The following NLRP6 variants were observed in gnomAD, a reference collection of about 807,000 sequenced individuals.
NLRP6 encodes NACHT, LRR and PYD domains-containing protein 6.
NLRP6 carries 55 observed loss-of-function variants against 70.9 expected under a neutral mutation model. That is an observed-to-expected ratio of 0.78 (90% CI 0.62 to 0.97). The LOEUF (loss-of-function observed/expected upper bound fraction) is 0.97, where lower values mean the gene tolerates loss of function less well. Ranked by LOEUF, NLRP6 falls within the 50% of genes least tolerant of loss-of-function variation. The pLI is 0.00. For missense variants in NLRP6, 1,241 were observed against 1,238.3 expected (o/e 1.00, Z -0.03); for synonymous variants, 652 against 581.9 (o/e 1.12, Z -1.73).
chr11:279,067 GA>G (rs1027798201), intron 1 of NLRP6: 11 of 377,322 alleles, frequency 2.9e-5, no homozygotes, highest in Non-Finnish European at 4.7e-5. Flanking sequence ...CCAGAGCTCA[GA>G]TCAGCGGCGG....
Position 279,472 on chromosome 11 carries a change from G to A in NLRP6, c.175G>A (p.Ala59Thr). 1 of 1,421,688 alleles carries A rather than the reference G, an allele frequency of 7.0e-7. No homozygotes were observed. Among genetic ancestry groups the A allele is most frequent in the South Asian group, 1.5e-5 (1 of 68,734 alleles). 88.1% of individuals were successfully genotyped at this position (1,421,688 alleles called of 1,614,324 possible). ...RSIPWGRLER[A>T]DAVDLAEQLA... ...CATCCCGTGGGGGCGGCTGGAGCGCGCGGACGCCGTGGACCTCGCGGAGCA... is the reference window on the plus strand; with the variant it reads ...CATCCCGTGGGGGCGGCTGGAGCGCACGGACGCCGTGGACCTCGCGGAGCA... Residue 59 changes from alanine to threonine, a missense_variant, in exon 2 of 8, where the codon GCG becomes ACG. By Grantham distance (58) the Ala-to-Thr change is moderately conservative. Coordinates refer to ENST00000534750, the MANE Select transcript of NLRP6 (RefSeq NM_001276700.2).
chr11:284,425 G>C, intron 6 of NLRP6, 25 bp downstream of exon 6: 1 of 1,600,792 alleles, frequency 6.2e-7, no homozygotes, highest in Non-Finnish European at 8.5e-7. Flanking sequence ...GGGAGGGACC[G>C]TGGGATGCCC....
chr11:284,715 T>C (rs897522198), intron 7 of NLRP6, 73 bp downstream of exon 7: 1 of 1,426,682 alleles, frequency 7.0e-7, no homozygotes, highest in Non-Finnish European at 9.5e-7. Context: ...GCCTGGGGGC[T>C]CCCCCTGGAC....
In NLRP6 at chr11:281,105, G is replaced by C; in HGVS notation, c.1371G>C (p.Arg457Ser). Reference protein sequence around the residue: ...RLAREGVLGRRAQFAEKELEQ... With the variant: ...RLAREGVLGRSAQFAEKELEQ... The stretch of plus-strand genomic sequence containing the variant: ...CCCGCGAGGGCGTCCTCGGACGCAG[G>C]GCGCAGTTTGCCGAGAAGGAACTGG... The change falls in exon 4 of 8, where the codon AGG becomes AGC. Residue 457 changes from arginine (R) to serine (S), a missense_variant. Transcript: ENST00000534750. The C allele has an allele frequency of 6.2e-7, 1 of 1,612,770 alleles. No homozygotes were observed. The highest frequency in any genetic ancestry group is 1.1e-5 in the South Asian group (1 of 91,072).
At position 281,180 on chromosome 11, in the gene NLRP6, A is replaced by G; in HGVS notation, c.1446A>G (p.Lys482=). 1 of 1,613,188 alleles carries G rather than the reference A, an allele frequency of 6.2e-7. No homozygotes were observed. The highest frequency in any genetic ancestry group is 8.5e-7 in the Non-Finnish European group (1 of 1,179,962). ...GSKVQTLFLS[K]KELPGVLETE... ...AAGTGCAGACGCTGTTTCTCAGCAAAAAGGAGCTGCCGGGCGTGCTGGAGA... is the reference window on the plus strand; with the variant it reads ...AAGTGCAGACGCTGTTTCTCAGCAAGAAGGAGCTGCCGGGCGTGCTGGAGA... The change falls in exon 4 of 8, where the codon AAA becomes AAG. Residue 482 remains lysine, a synonymous_variant. Transcript: ENST00000534750.
chr11:278,743 C>T lies in NLRP6; in HGVS notation c.29+145C>T, dbSNP rs749300615. The T allele has an allele frequency of 7.2e-6, 4 of 555,262 alleles. No homozygotes were observed. The highest frequency in any genetic ancestry group is 9.2e-6 in the Non-Finnish European group (3 of 325,718). The allele number at this position is 555,262 out of a possible 1,614,324, so 34.4% of individuals were successfully genotyped here. A position where few individuals can be genotyped will look rare whatever the true frequency, so the allele number is the denominator to read the frequency against. ...CACTCCCAGGCTCAGGAGCCAAGCA[C>T]TGCCTCCCCACAGAGGGCATTTGTG... On this transcript the variant is annotated intron_variant, in intron 1 of 7. Coordinates refer to ENST00000534750, the MANE Select transcript of NLRP6 (RefSeq NM_001276700.2). This position sits in a 1 kb window ranked among gnomAD's most constrained non-coding sequence, Gnocchi z 4.7.
chr11:282,818 C>T (rs1225174377), intron 5 of NLRP6, 21 bp downstream of exon 5: 1 of 1,560,372 alleles, frequency 6.4e-7, no homozygotes, highest in Admixed American at 1.7e-5. Context: ...ACACCCCCAG[C>T]TCTTCCCACG....
chr11:281,538 G>A lies in NLRP6; in HGVS notation c.1804G>A (p.Asp602Asn), dbSNP rs1845478522. 1.9e-6 allele frequency: 3 copies of A among 1,610,304 alleles called. No homozygotes were observed. The African/African-American group carries it at 4.0e-5, about 21-fold the overall frequency. Reference protein sequence around the residue: ...EVTEGAKGLEDTEEPEEEEEG... With the variant: ...EVTEGAKGLENTEEPEEEEEG... ...GACCGAGGGGGCCAAAGGGCTCGAG[G>A]ACACCGAAGAGCCAGAGGAGGAGGA... is the stretch of plus-strand genomic sequence containing the variant. Residue 602 changes from aspartate (D) to asparagine (N), a missense_variant, in exon 4 of 8, where the codon GAC (aspartate) becomes AAC (asparagine). Asp to Asn is a conservative substitution (Grantham distance 23, BLOSUM62 1). Transcript: ENST00000534750.
rs1472340714 is a variant in NLRP6 at position 282,767 on chromosome 11, C to T, written c.2168C>T (p.Thr723Ile). The T allele has an allele frequency of 1.9e-6, 3 of 1,614,024 alleles. No individual in the cohort carries two copies. The highest frequency in any genetic ancestry group is 2.5e-6 in the Non-Finnish European group (3 of 1,179,854). ...SLLHPLFQAM[T>I]DPLCHLSSLT... ...CTTCATCCACTCTTTCAGGCAATGA[C>T]TGACCCACTGTGCCATCTGAGCAGC... The change falls in exon 5 of 8, where the codon ACT (threonine) becomes ATT (isoleucine). Residue 723 changes from threonine to isoleucine, a missense_variant. Transcript: ENST00000534750.
At chr11:279,214 G>C (rs760058) in intron 1 of NLRP6, 113 bp from the exon 2 acceptor site, 255,420 of 916,354 alleles carry the variant, frequency 0.28, 38,094 homozygotes, top group African/African-American at 0.34. Context: ...ACGATGCTTG[G>C]CCCGGGACTC....
chr11:281,559 G>A lies in NLRP6; in HGVS notation c.1825G>A (p.Glu609Lys), dbSNP rs755200579. The stretch of plus-strand genomic sequence containing the variant: ...CGAGGACACCGAAGAGCCAGAGGAG[G>A]AGGAGGAGGGAGAGGAGCCCAACTA... ...GLEDTEEPEEEEEGEEPNYPL... is the reference protein window; with the variant it reads ...GLEDTEEPEEKEEGEEPNYPL... Residue 609 changes from glutamate to lysine, a missense_variant, in exon 4 of 8, where the codon GAG becomes AAG. Coordinates refer to ENST00000534750, the MANE Select transcript of NLRP6 (RefSeq NM_001276700.2). 2 of 1,611,500 alleles carry A rather than the reference G, an allele frequency of 1.2e-6. No homozygotes were observed. The highest frequency in any genetic ancestry group is 1.7e-4 in the Middle Eastern group (1 of 6,060).
chr11:280,892 C>T lies in NLRP6; in HGVS notation c.1158C>T (p.Phe386=). 3 of 1,613,358 alleles carry T rather than the reference C, an allele frequency of 1.9e-6. No homozygotes were observed. Among genetic ancestry groups the T allele is most frequent in the Non-Finnish European group, 2.5e-6 (3 of 1,179,910 alleles). ...ACGAGACGCTGTTCGCGCTGTGCTT[C>T]GTGCCCTTCGTGTGCTGGATCGTGT... ...KENETLFALC[F]VPFVCWIVCT... Residue 386 remains phenylalanine, a synonymous_variant, in exon 4 of 8, where the codon TTC becomes TTT. Coordinates refer to ENST00000534750, the MANE Select transcript of NLRP6 (RefSeq NM_001276700.2).
At position 280,793 on chromosome 11, in the gene NLRP6, CAAG is replaced by C. The variant is rs569773740; in HGVS notation, c.1066_1068del (p.Lys356del). ...AGGTGCGCGGCTTCTCCGACAAGGA[CAAG>C]AAGAAGTATTTCTACAAGTATTTCC... On this transcript the variant is annotated inframe_deletion, in exon 4 of 8. Transcript: ENST00000534750. 4.2e-4 allele frequency: 681 copies of C among 1,612,684 alleles called. No individual in the cohort carries two copies. Among genetic ancestry groups the C allele is most frequent in the African/African-American group, 1.7e-3 (131 of 75,046 alleles).
Position 280,916 on chromosome 11 carries a change from G to T in NLRP6, c.1182G>T (p.Val394=). 3 of 1,613,290 alleles carry T rather than the reference G, an allele frequency of 1.9e-6. No individual in the cohort carries two copies. The South Asian group carries it at 3.3e-5, about 18-fold the overall frequency. The part of the protein sequence containing the change: ...LCFVPFVCWI[V]CTVLRQQLEL... ...TCGTGCCCTTCGTGTGCTGGATCGT[G>T]TGCACCGTGCTGCGCCAGCAGCTGG... Residue 394 remains valine, a synonymous_variant, in exon 4 of 8, where the codon GTG becomes GTT. Coordinates refer to ENST00000534750, the MANE Select transcript of NLRP6 (RefSeq NM_001276700.2).
rs1312500421 is a variant in NLRP6 at position 281,587 on chromosome 11, C to T, written c.1853C>T (p.Pro618Leu). The T allele has an allele frequency of 4.3e-6, 7 of 1,611,290 alleles. No homozygotes were observed. Among genetic ancestry groups the T allele is most frequent in the East Asian group, 2.2e-5 (1 of 44,852 alleles). The change falls in exon 4 of 8, where the codon CCA (proline) becomes CTA (leucine). Residue 618 changes from proline to leucine, a missense_variant. Coordinates refer to ENST00000534750, the MANE Select transcript of NLRP6 (RefSeq NM_001276700.2). ...EEEEGEEPNY[P>L]LELLYCLYET... ...GAGGAGGGAGAGGAGCCCAACTACC[C>T]ACTGGAGTTGCTGTACTGCCTGTAC...
rs765169020 is a variant in NLRP6, at chr11:279,845, G to C, written c.322G>C (p.Gly108Arg). The C allele has an allele frequency of 1.3e-6, 2 of 1,569,540 alleles. No homozygotes were observed. Among genetic ancestry groups the C allele is most frequent in the Non-Finnish European group, 1.7e-6 (2 of 1,161,716 alleles). ...QERRLQRLGL[G>R]SGTLLSVSEY... is the part of the protein sequence containing the mutation. ...AGTTTCCCTTCCAGGGCTCGGGCTC[G>C]GCTCCGGGACGCTGCTCTCCGTGTC... The change falls in exon 3 of 8, where the codon GGC becomes CGC. Residue 108 changes from glycine to arginine, a missense_variant. Gly to Arg is a moderately radical substitution (Grantham distance 125, BLOSUM62 -2). Transcript: ENST00000534750.
intron 3 of NLRP6, 71 bp downstream of exon 3, chr11:279,943 G>C: frequency 6.9e-7 from 1 of 1,444,462 alleles, no homozygotes; most frequent in Non-Finnish European, 9.1e-7. Context: ...GACCGGGGTG[G>C]GAGGGCCGCC....
chr11:281,861 ACT>A (rs1277307797), intron 4 of NLRP6, 22 bp downstream of exon 4: 2 of 1,545,500 alleles, frequency 1.3e-6, no homozygotes, highest in East Asian at 4.5e-5. Context: ...GGGCAGAGAT[ACT>A]CTCTTGTGTG....
rs1013443831 is a variant in NLRP6 at position 279,564 on chromosome 11, C to T, written c.267C>T (p.Asp89=). The change falls in exon 2 of 8, where the codon GAC becomes GAT. Residue 89 remains aspartate (D), a synonymous_variant. Coordinates refer to ENST00000534750, the MANE Select transcript of NLRP6 (RefSeq NM_001276700.2). ...CCCGCAAGACCCTCAAGAGGGCGGA[C>T]GCGCGCGACGTGGCGGCGCAGCTCC... is the stretch of plus-strand genomic sequence containing the variant. ...EVARKTLKRA[D]ARDVAAQLQE... is the part of the protein sequence containing the mutation. 3 of 1,427,416 alleles carry T rather than the reference C, an allele frequency of 2.1e-6. No homozygotes were observed. In the African/African-American group the frequency reaches 4.5e-5, roughly 22 times the overall value. 88.4% of individuals were successfully genotyped at this position (1,427,416 alleles called of 1,614,324 possible). A position where few individuals can be genotyped will look rare whatever the true frequency, so the allele number is the denominator to read the frequency against.
Sources: allele counts gnomAD v4.1 joint callset, GRCh38; gene constraint gnomAD v4.1.1; non-coding constraint Gnocchi (gnomAD v3.1); transcripts MANE v1.5; gene names NCBI Gene and HGNC (gene_info 2026-07-23, HGNC 2026-07-21).